PHTF2: variants seen among roughly 807,000 people sequenced by gnomAD.
PHTF2 encodes putative homeodomain transcription factor 2, also known as protein PHTF2.
Under a neutral mutation model 101.2 loss-of-function variants are expected in PHTF2, and 60 were observed. The ratio of observed to expected loss-of-function variants is 0.59; its 90% confidence interval spans 0.48 to 0.73. The LOEUF is 0.73. Among genes scored for constraint, PHTF2 ranks in the 30% least tolerant of loss-of-function variants. The probability of loss-of-function intolerance (pLI) is 0.00; values close to 1 mark genes in which losing one functional copy is unlikely to be tolerated. For missense variants in PHTF2, 747 were observed against 908.7 expected, an observed-to-expected ratio of 0.82 and a Z score of 2.29; for synonymous variants, 311 against 307.3, an observed-to-expected ratio of 1.01 and a Z score of -0.13.
chr7:77,895,891 A>T (rs2150809023), intron 5 of PHTF2: 1 of 152,298 alleles, frequency 6.6e-6, no homozygotes, highest in East Asian at 1.9e-4. Flanking sequence ...GTAGGTCTGA[A>T]GGTAGCAAGT....
chr7:77,838,524 A>G (rs1336272255), intron 1 of PHTF2, among the ~76,000 whole-genome samples: 1 of 152,234 alleles, frequency 6.6e-6, no homozygotes, highest in Non-Finnish European at 1.5e-5. Flanking sequence ...GGAATTTTTT[A>G]TATGAAAATT....
exon 1 of PHTF2, chr7:77,798,918 A>C (rs1009344734): frequency 6.6e-6 from 1 of 152,582 alleles, no homozygotes; most frequent in African/African-American, 2.4e-5. Flanking sequence ...CTAGCTTCGG[A>C]GTCTCCCGCG....
At chr7:77,906,870 TGCACTCCAGCCTGGGCA>T (rs1291508284) in intron 7 of PHTF2, among the ~76,000 whole-genome samples, 1 of 146,268 alleles carries the variant, frequency 6.8e-6, no homozygotes, top group Non-Finnish European at 1.5e-5. Flanking sequence ...ATCGCACCAC[TGCACTCCAGCCTGGGCA>T]GCAGAGCGAG....
At chr7:77,825,615 G>T (rs1392571849) in intron 1 of PHTF2, among the ~76,000 whole-genome samples, 1 of 152,200 alleles carries the variant, frequency 6.6e-6, no homozygotes, top group Non-Finnish European at 1.5e-5. Flanking sequence ...TTCCTTTTCT[G>T]TGTCGTTGGA....
chr7:77,833,252 A>G (rs897432407), intron 1 of PHTF2, among the ~76,000 whole-genome samples: 2 of 152,240 alleles, frequency 1.3e-5, no homozygotes, highest in African/African-American at 2.4e-5. Flanking sequence ...TAATTTTGGC[A>G]CAGAGGTAGA....
chr7:77,905,036 G>A (rs993175383), intron 7 of PHTF2, among the ~76,000 whole-genome samples: 6 of 152,070 alleles, frequency 3.9e-5, no homozygotes, highest in Non-Finnish European at 8.8e-5. Flanking sequence ...TAGTGTTAGT[G>A]TATTTTATGT....
At chr7:77,951,426 T>C (rs1806533978) in intron 17 of PHTF2, among the ~76,000 whole-genome samples, 191 bp from the exon 17 acceptor site, 1 of 152,192 alleles carries the variant, frequency 6.6e-6, no homozygotes, top group South Asian at 2.1e-4. Flanking sequence ...TGATTACATT[T>C]CAAAAGTGTT....
intron 11 of PHTF2, among the ~76,000 whole-genome samples, chr7:77,925,498 T>TTTTTTTTTTTTTTTTTTG (rs1179358148): frequency 1.4e-4 from 4 of 29,566 alleles, no homozygotes; most frequent in African/African-American, 6.6e-4. Context: ...TTTTAGGGTT[T>TTTTTTTTTTTTTTTTTTG]TTTTTTTTTT....
intron 2 of PHTF2, among the ~76,000 whole-genome samples, chr7:77,852,869 G>GT (rs1796880349): frequency 1.3e-5 from 2 of 152,136 alleles, no homozygotes; most frequent in African/African-American, 2.4e-5. Flanking sequence ...AAGGATAAAA[G>GT]TTTTTTTCCG....
chr7:77,900,161 G>A (rs1801259438), intron 5 of PHTF2, among the ~76,000 whole-genome samples: 1 of 152,210 alleles, frequency 6.6e-6, no homozygotes, highest in Non-Finnish European at 1.5e-5. Flanking sequence ...GGCATTTATG[G>A]TCTGATGAGG....
intron 3 of PHTF2, among the ~76,000 whole-genome samples, chr7:77,881,515 G>GTT (rs1428870144): frequency 0.041 from 3,159 of 76,912 alleles, 48 homozygotes; most frequent in Middle Eastern, 0.11. Flanking sequence ...CCAATGGCTG[G>GTT]TTTTGTTTTT....
At chr7:77,944,277 C>T (rs1189871495) in intron 16 of PHTF2, among the ~76,000 whole-genome samples, 1 of 152,166 alleles carries the variant, frequency 6.6e-6, no homozygotes, top group Non-Finnish European at 1.5e-5. Context: ...CTGTGTACCT[C>T]CCTACTCACA....
At chr7:77,803,307 G>T (rs183379891) in intron 1 of PHTF2, among the ~76,000 whole-genome samples, 60 of 152,296 alleles carry the variant, frequency 3.9e-4, no homozygotes, top group Admixed American at 1.2e-3. Flanking sequence ...CAAGAAAGGG[G>T]CTGTTAAAAG....
chr7:77,896,390 TA>T (rs202036199), intron 5 of PHTF2, among the ~76,000 whole-genome samples: 6 of 149,950 alleles, frequency 4.0e-5, no homozygotes, highest in East Asian at 1.9e-4. Context: ...ACACTATCTC[TA>T]AAAAAAAAAT....
At chr7:77,899,225 CA>C in intron 5 of PHTF2, among the ~76,000 whole-genome samples, 1 of 152,094 alleles carries the variant, frequency 6.6e-6, no homozygotes, top group East Asian at 1.9e-4. Flanking sequence ...GGATTGCCAA[CA>C]AAAAGCACAA....
intron 3 of PHTF2, among the ~76,000 whole-genome samples, chr7:77,889,614 CG>C (rs1289129417): frequency 8.6e-6 from 1 of 116,618 alleles, no homozygotes. Context: ...TTTTTTGAGA[CG>C]GAGTCTTGCT....
At chr7:77,876,846 TAA>T (rs976562469) in intron 3 of PHTF2, among the ~76,000 whole-genome samples, 7 of 152,210 alleles carry the variant, frequency 4.6e-5, no homozygotes, top group African/African-American at 1.4e-4. Context: ...CTGCATAATT[TAA>T]GAGTGTGTTT....
rs570711638 is a variant in PHTF2 at position 77,942,554 on chromosome 7, A to G, written c.1873-146A>G. On this transcript the variant is annotated intron_variant, in intron 15 of 19. Coordinates refer to ENST00000416283, the Ensembl canonical transcript of PHTF2. ...ATAACACTATCATTAAAATTTGCCT[A>G]ACAAATTAGGTATATTCAACATTGT... 179 of 438,288 alleles carry G rather than the reference A, an allele frequency of 4.1e-4. 3 individuals carry two copies. In the South Asian group the frequency reaches 0.011, roughly 27 times the overall value. 27.1% of individuals were successfully genotyped at this position (438,288 alleles called of 1,614,324 possible).
At chr7:77,912,876 G>A (rs1802541289) in intron 9 of PHTF2, among the ~76,000 whole-genome samples, 1 of 151,098 alleles carries the variant, frequency 6.6e-6, no homozygotes, top group Non-Finnish European at 1.5e-5. Flanking sequence ...GGGACTATAG[G>A]CATTTGCCAC....
Sources: gnomAD v4.1 joint callset for allele counts (sites outside exome capture counted in the v4.1 genomes callset) on GRCh38, gnomAD v4.1.1 for gene constraint, MANE v1.5 for transcripts, NCBI Gene and HGNC (gene_info 2026-07-23, HGNC 2026-07-21) for gene names.